Variants in CCDC13 observed in about 807,000 individuals in gnomAD.
The protein encoded by CCDC13 is coiled-coil domain-containing protein 13.
A neutral mutation model predicts 87.3 loss-of-function variants in CCDC13; 70 were observed. The observed-to-expected ratio is 0.80, with a 90% CI of 0.66 to 0.98. The LOEUF is 0.98. CCDC13 is among the 50% of genes least tolerant of loss of function. CCDC13 has a pLI of 0.00. For missense variants in CCDC13, 842 were observed against 892.0 expected (o/e 0.94, Z 0.71); for synonymous variants, 317 against 360.3 (o/e 0.88, Z 1.36).
intron 1 of CCDC13, among the ~76,000 whole-genome samples, chr3:42,760,642 G>A (rs1321048302): frequency 6.6e-6 from 1 of 152,068 alleles, no homozygotes; most frequent in East Asian, 1.9e-4. Flanking sequence ...CAGCCTGGGC[G>A]AGGTTGCAGT....
At chr3:42,716,863 G>C (rs1445815834) in intron 13 of CCDC13, among the ~76,000 whole-genome samples, 2 of 152,136 alleles carry the variant, frequency 1.3e-5, no homozygotes, top group African/African-American at 4.8e-5. Context: ...ACAGGTACTT[G>C]TACAGCAATG....
At chr3:42,771,933 T>C (rs1182364343) in intron 1 of CCDC13, among the ~76,000 whole-genome samples, 2 of 152,194 alleles carry the variant, frequency 1.3e-5, no homozygotes, top group African/African-American at 2.4e-5. Flanking sequence ...AACTGTTTTT[T>C]GTTTAATGCT....
intron 13 of CCDC13, among the ~76,000 whole-genome samples, chr3:42,727,338 C>T (rs1353034069): frequency 3.3e-5 from 5 of 151,844 alleles, no homozygotes; most frequent in South Asian, 2.1e-4. Flanking sequence ...TGCCACTGCA[C>T]GCCAGCCTGG....
intron 15 of CCDC13, 45 bp from the exon 16 acceptor site, chr3:42,709,184 A>G: frequency 1.3e-6 from 2 of 1,553,182 alleles, no homozygotes; most frequent in East Asian, 4.6e-5. Flanking sequence ...AGCTGCACAC[A>G]GGTGTGCGTG....
rs1559657739 is a variant in CCDC13, at chr3:42,752,675, A to G, written c.413T>C (p.Val138Ala). Residue 138 changes from valine (V) to alanine (A), a missense_variant, in exon 4 of 16, where the codon GTG becomes GCG. Coordinates refer to ENST00000310232, the MANE Select transcript of CCDC13 (RefSeq NM_144719.4). ...CAGCCGGTTCTTTTTTGATAGCTCCACAATTTTGGTGGCGACCACGTCTCC... is the reference window on the plus strand; with the variant it reads ...CAGCCGGTTCTTTTTTGATAGCTCCGCAATTTTGGTGGCGACCACGTCTCC... ...VAGDVVATKI[V>A]ELSKKNRLLM... 6.2e-7 allele frequency: 1 copy of G among 1,614,078 alleles called. No individual in the cohort carries two copies. The highest frequency in any genetic ancestry group is 8.5e-7 in the Non-Finnish European group (1 of 1,180,010).
intron 14 of CCDC13, 40 bp downstream of exon 14, chr3:42,713,122 C>G: frequency 6.3e-7 from 1 of 1,598,894 alleles, no homozygotes; most frequent in East Asian, 2.2e-5. Flanking sequence ...AGCAACACTG[C>G]CTCCACCCCC....
rs1281865279 is a variant in CCDC13 at position 42,733,524 on chromosome 3, AGGCCTGG to A, written c.1450_1456del (p.Pro484Ter). ...GCCTGCTGAGGCCGGGGACTTGGTC[AGGCCTGG>A]GTCCTCCAGGAACTGGGTATAGGCA... On this transcript the variant is annotated frameshift_variant, in exon 11 of 16. Transcript: ENST00000310232. LOFTEE classifies it high-confidence loss of function. The A allele has an allele frequency of 6.2e-7, 1 of 1,614,098 alleles. No individual in the cohort carries two copies. Among genetic ancestry groups the A allele is most frequent in the South Asian group, 1.1e-5 (1 of 91,082 alleles).
In CCDC13 at chr3:42,743,057, C is replaced by T; in HGVS notation, c.826G>A (p.Val276Ile). The T allele has an allele frequency of 1.9e-6, 3 of 1,613,970 alleles. No homozygotes were observed. The highest frequency in any genetic ancestry group is 2.5e-6 in the Non-Finnish European group (3 of 1,179,946). Residue 276 changes from valine (V) to isoleucine (I), a missense_variant and splice_region_variant, in exon 8 of 16, where the codon GTT becomes ATT. Physicochemically the swap from Val to Ile is conservative, Grantham distance 29. Transcript: ENST00000310232. ...AQQILVLQSK[V>I]QELEKQLGQA... Reference sequence around the variant, plus strand: ...CCCAATTGCTTCTCAAGCTCTTGAACCTGAGGATGGTAAAACTCGTCGTTC... The same window carrying T: ...CCCAATTGCTTCTCAAGCTCTTGAATCTGAGGATGGTAAAACTCGTCGTTC...
rs767266612 is a variant in CCDC13 at position 42,739,635 on chromosome 3, A to G, written c.1163T>C (p.Met388Thr). The change falls in exon 9 of 16, where the codon ATG becomes ACG. Residue 388 changes from methionine to threonine, a missense_variant and splice_region_variant. By Grantham distance (81) the Met-to-Thr change is moderately conservative. Transcript: ENST00000310232. ...RHDDELIDAL[M>T]DQLKQLQEIL... is the part of the protein sequence containing the mutation. ...CCTGCCTGAGTGGTGGGGCCATACC[A>G]TGAGGGCGTCGATGAGCTCGTCATC... is the stretch of plus-strand genomic sequence containing the variant. 1 of 1,613,526 alleles carries G rather than the reference A, an allele frequency of 6.2e-7. No individual in the cohort carries two copies. Among genetic ancestry groups the G allele is most frequent in the South Asian group, 1.1e-5 (1 of 91,022 alleles).
intron 1 of CCDC13, among the ~76,000 whole-genome samples, chr3:42,768,157 T>C (rs1252341448): frequency 2.0e-5 from 3 of 152,230 alleles, no homozygotes; most frequent in South Asian, 2.1e-4. Flanking sequence ...AATATCCATA[T>C]GTAAAAAAGT....
At chr3:42,711,887 G>T (rs1698321011) in intron 14 of CCDC13, among the ~76,000 whole-genome samples, 1 of 152,140 alleles carries the variant, frequency 6.6e-6, no homozygotes, top group Admixed American at 6.5e-5. Flanking sequence ...AAAGTGACTT[G>T]CCTGCTGTGG....
chr3:42,720,196 T>A (rs1698528396), intron 13 of CCDC13, among the ~76,000 whole-genome samples: 1 of 152,140 alleles, frequency 6.6e-6, no homozygotes, highest in Non-Finnish European at 1.5e-5. Context: ...GAAAAGAGAT[T>A]TTATGTAAGA....
At chr3:42,727,507 T>C (rs1331666843) in intron 13 of CCDC13, among the ~76,000 whole-genome samples, 4 of 152,114 alleles carry the variant, frequency 2.6e-5, no homozygotes, top group Non-Finnish European at 4.4e-5. Context: ...AGAAGGAAGA[T>C]TGAGATACAA....
chr3:42,731,032 A>T (rs1213031640), intron 12 of CCDC13, among the ~76,000 whole-genome samples: 1 of 151,470 alleles, frequency 6.6e-6, no homozygotes, highest in East Asian at 1.9e-4. Flanking sequence ...AGCCCAGCCC[A>T]CTTTCCTGGA....
chr3:42,708,164 G>T lies in CCDC13; in HGVS notation c.*816C>A, dbSNP rs1698219119. 1 of 152,176 alleles carries T rather than the reference G, an allele frequency of 6.6e-6. No individual in the cohort carries two copies. The highest frequency in any genetic ancestry group is 1.5e-5 in the Non-Finnish European group (1 of 68,060). 9.4% of individuals were successfully genotyped at this position (152,176 alleles called of 1,614,324 possible). ...TGCCTCTTGGAGCTGCTGCCTAGGG[G>T]TGGGGTTGTTCAGTGGTGGGTGGGT... On this transcript the variant is annotated 3_prime_UTR_variant, in exon 16 of 16. Coordinates refer to ENST00000310232, the MANE Select transcript of CCDC13 (RefSeq NM_144719.4).
chr3:42,709,623 C>T (rs1698255191), intron 15 of CCDC13, 61 bp downstream of exon 15: 1 of 1,315,054 alleles, frequency 7.6e-7, no homozygotes. Context: ...GTCCCTCTGC[C>T]CATGGAGGCA....
intron 1 of CCDC13, among the ~76,000 whole-genome samples, chr3:42,771,417 A>T (rs1335075773): frequency 6.6e-6 from 1 of 152,178 alleles, no homozygotes; most frequent in African/African-American, 2.4e-5. Context: ...GTGGATACAC[A>T]GCATTACACA....
At chr3:42,710,341 C>G (rs910029365) in intron 14 of CCDC13, among the ~76,000 whole-genome samples, 1 of 151,940 alleles carries the variant, frequency 6.6e-6, no homozygotes, top group Non-Finnish European at 1.5e-5. Context: ...GGATTACAGG[C>G]GTAAACCACC....
At position 42,730,475 on chromosome 3, in the gene CCDC13, C is replaced by T; in HGVS notation, c.1710G>A (p.Leu570=). The T allele has an allele frequency of 6.2e-7, 1 of 1,613,752 alleles. No homozygotes were observed. Among genetic ancestry groups the T allele is most frequent in the East Asian group, 2.2e-5 (1 of 44,854 alleles). Residue 570 remains leucine, a synonymous_variant, in exon 13 of 16, where the codon CTG becomes CTA. Coordinates refer to ENST00000310232, the MANE Select transcript of CCDC13 (RefSeq NM_144719.4). ...TGGGTGCCATGTGTTACCGTTTCTG[C>T]AGGACAGTGACAAACTCGGTGAGCC... is the stretch of plus-strand genomic sequence containing the variant. ...RDRLTEFVTV[L]QKRVEESNSK...
Sources: gnomAD v4.1 joint callset for allele counts (sites outside exome capture counted in the v4.1 genomes callset) on GRCh38, gnomAD v4.1.1 for gene constraint, MANE v1.5 for transcripts, NCBI Gene and HGNC (gene_info 2026-07-23, HGNC 2026-07-21) for gene names.